The following IDUA variants were observed in gnomAD, a reference collection of about 807,000 sequenced individuals.
IDUA encodes iduronidase alpha-L-.
IDUA carries 65 observed loss-of-function variants against 68.9 expected under a neutral mutation model. The observed-to-expected ratio is 0.94, with a 90% CI of 0.77 to 1.16. The LOEUF (loss-of-function observed/expected upper bound fraction) is 1.16. Ranked by LOEUF, IDUA falls within the 50% of genes most tolerant of loss-of-function variation. The pLI is 0.00. For synonymous variants in IDUA, 529 were observed against 433.6 expected (o/e 1.22, Z -2.73); for missense variants, 1,046 against 938.0 (o/e 1.12, Z -1.50).
At chr4:998,782 G>A (rs1333157327) in intron 2 of IDUA, among the ~76,000 whole-genome samples, 21 of 77,172 alleles carry the variant, frequency 2.7e-4, no homozygotes, top group African/African-American at 8.5e-4. Flanking sequence ...ACGACCCCCC[G>A]ACCCCCCACC....
At chr4:996,916 CAG>C (rs1714772407) in intron 2 of IDUA, among the ~76,000 whole-genome samples, 1 of 152,216 alleles carries the variant, frequency 6.6e-6, no homozygotes, top group Admixed American at 6.5e-5. Flanking sequence ...CCACGCAGGA[CAG>C]GGGGCGTGGG....
chr4:1,003,648 C>T (rs1453630093), intron 12 of IDUA, 23 bp downstream of exon 12: 2 of 1,611,670 alleles, frequency 1.2e-6, no homozygotes, highest in Non-Finnish European at 1.7e-6. Flanking sequence ...GGCCGCCCCT[C>T]CCTCTGCCTG....
chr4:987,027 C>G (rs920124363), upstream of IDUA: 1 of 1,500,336 alleles, frequency 6.7e-7, no homozygotes, highest in Non-Finnish European at 8.9e-7. Context: ...AGACTCCGAC[C>G]CGGAGGCGGA....
Position 1,003,532 on chromosome 4 carries a change from GCCCTTCCCTCC to G in IDUA, c.1651-13_1651-3del, listed in dbSNP as rs1715253413. The stretch of plus-strand genomic sequence containing the variant: ...ACTCCCCTTCCCCGACGCCATCACA[GCCCTTCCCTCC>G]CCCAGGTCACGCGGCTCCGCGCCCT... On this transcript the variant is annotated splice_region_variant and splice_polypyrimidine_tract_variant and intron_variant, in intron 11 of 13. Coordinates refer to ENST00000514224, the MANE Select transcript of IDUA (RefSeq NM_000203.5). 1.2e-6 allele frequency: 2 copies of G among 1,609,886 alleles called. No homozygotes were observed. Among genetic ancestry groups the G allele is most frequent in the Admixed American group, 3.3e-5 (2 of 59,922 alleles).
At chr4:1,000,118 G>C (rs1000720388) in intron 2 of IDUA, 1 of 190,630 alleles carries the variant, frequency 5.2e-6, no homozygotes, top group Admixed American at 5.4e-5. Context: ...CTGTCCCCTC[G>C]GAATGCAGGC....
intron 2 of IDUA, chr4:991,802 A>G (rs751831861): frequency 9.1e-6 from 14 of 1,532,056 alleles, no homozygotes; most frequent in Non-Finnish European, 1.2e-5. Flanking sequence ...CCCCGGCAGC[A>G]ACGGGCCCCT....
rs1299884849 is a variant in IDUA at position 1,003,332 on chromosome 4, C to G, written c.1525-13C>G. 1 of 1,449,608 alleles carries G rather than the reference C, an allele frequency of 6.9e-7. No homozygotes were observed. The highest frequency in any genetic ancestry group is 1.5e-5 in the African/African-American group (1 of 67,010). The allele number at this position is 1,449,608 out of a possible 1,614,324, so 89.8% of individuals were successfully genotyped here. A position where few individuals can be genotyped will look rare whatever the true frequency, so the allele number is the denominator to read the frequency against. On this transcript the variant is annotated splice_polypyrimidine_tract_variant and intron_variant, in intron 10 of 13. Coordinates refer to ENST00000514224, the MANE Select transcript of IDUA (RefSeq NM_000203.5). ...TCCCCTGGAGAACCCTGAGGACCGG[C>G]CACTGCGCCCAGGACCCGGTGGCCG...
At chr4:1,002,608 C>G (rs922809603) in intron 8 of IDUA, 123 bp downstream of exon 8, 1 of 1,171,216 alleles carries the variant, frequency 8.5e-7, no homozygotes, top group East Asian at 3.0e-5. Flanking sequence ...TCGGCCTCCG[C>G]GTGGCGGGGC....
intron 2 of IDUA, among the ~76,000 whole-genome samples, chr4:999,071 G>T (rs916885261): frequency 6.6e-6 from 1 of 152,108 alleles, no homozygotes; most frequent in African/African-American, 2.4e-5. Context: ...CGGGCGTGGT[G>T]GCGGGCGCCT....
In IDUA at chr4:1,003,098, C is replaced by T. The variant is rs1375839111; in HGVS notation, c.1465C>T (p.Arg489Cys). 1 of 1,517,698 alleles carries T rather than the reference C, an allele frequency of 6.6e-7. No individual in the cohort carries two copies. The highest frequency in any genetic ancestry group is 8.8e-7 in the Non-Finnish European group (1 of 1,141,072). 94.0% of individuals were successfully genotyped at this position (1,517,698 alleles called of 1,614,324 possible). ...CTGCAGCCCCGACGGCGAGTGGCGG[C>T]GCCTGGGCCGGCCCGTCTTCCCCAC... ...GLCSPDGEWR[R>C]LGRPVFPTAE... The change falls in exon 10 of 14, where the codon CGC (arginine) becomes TGC (cysteine). Residue 489 changes from arginine to cysteine, a missense_variant. Physicochemically the swap from Arg to Cys is radical, Grantham distance 180. Transcript: ENST00000514224.
intron 2 of IDUA, chr4:991,760 G>A (rs1025397499): frequency 1.2e-5 from 18 of 1,529,398 alleles, no homozygotes; most frequent in Middle Eastern, 3.4e-4. Flanking sequence ...ATGGTCACAG[G>A]AGCCCCCGGA....
intron 2 of IDUA, chr4:990,471 A>C (rs1017858062): frequency 8.1e-6 from 9 of 1,108,076 alleles, no homozygotes; most frequent in Non-Finnish European, 8.8e-6. Flanking sequence ...GGACCTGACA[A>C]TTCTGTGTTG....
intron 2 of IDUA, chr4:988,175 A>G (rs981803062): frequency 3.4e-5 from 47 of 1,384,898 alleles, no homozygotes; most frequent in Non-Finnish European, 4.3e-5. Context: ...CTGCAGGCTC[A>G]GGGTTGGCTG....
intron 8 of IDUA, 21 bp from the exon 9 acceptor site, chr4:1,002,711 C>CGG: frequency 7.1e-7 from 1 of 1,403,250 alleles, no homozygotes; most frequent in Non-Finnish European, 9.5e-7. Flanking sequence ...CACGCGGCGA[C>CGG]GGCCCCCCCC....
intron 2 of IDUA, among the ~76,000 whole-genome samples, chr4:997,592 G>T (rs1439485611): frequency 6.6e-6 from 1 of 152,122 alleles, no homozygotes; most frequent in Middle Eastern, 3.4e-3. Context: ...CCCGCGCGGG[G>T]TCTACAAGGG....
At position 1,004,220 on chromosome 4, in the gene IDUA, G is replaced by C. The variant is rs1715304546; in HGVS notation, c.1829-40G>C. 1 of 1,610,122 alleles carries C rather than the reference G, an allele frequency of 6.2e-7. No homozygotes were observed. The highest frequency in any genetic ancestry group is 8.5e-7 in the Non-Finnish European group (1 of 1,179,952). On this transcript the variant is annotated intron_variant, in intron 13 of 13. Transcript: ENST00000514224. This position sits in a 1 kb window ranked among gnomAD's most constrained non-coding sequence, Gnocchi z 5.0. ...CTGGGGTCAGGGGGCTTTCGGGTGG[G>C]GGCAGGTTCCGGTTGGCACACATGT... is the stretch of plus-strand genomic sequence containing the variant.
intron 2 of IDUA, chr4:991,398 G>A: frequency 1.9e-6 from 3 of 1,612,868 alleles, no homozygotes; most frequent in Non-Finnish European, 2.5e-6. Context: ...AGGACGTATA[G>A]AGGCTGTAGA....
At position 1,004,400 on chromosome 4, in the gene IDUA, G is replaced by A; in HGVS notation, c.*7G>A. The A allele has an allele frequency of 1.2e-6, 2 of 1,609,808 alleles. No homozygotes were observed. The highest frequency in any genetic ancestry group is 1.7e-6 in the Non-Finnish European group (2 of 1,179,944). ...ATCCCCGGGCAATCCATGAGCCTGT[G>A]CTGAGCCCCAGTGGGTTGCACCTCC... On this transcript the variant is annotated 3_prime_UTR_variant, in exon 14 of 14. Coordinates refer to ENST00000514224, the MANE Select transcript of IDUA (RefSeq NM_000203.5). This position sits in a 1 kb window ranked among gnomAD's most constrained non-coding sequence, Gnocchi z 5.0.
At chr4:989,957 T>C (rs1714125309) in intron 2 of IDUA, 1 of 1,555,902 alleles carries the variant, frequency 6.4e-7, no homozygotes, top group South Asian at 1.2e-5. Flanking sequence ...TGAGGGGGCA[T>C]GAAACCCGTG....
Sources: gnomAD v4.1 joint callset for allele counts (sites outside exome capture counted in the v4.1 genomes callset) on GRCh38, gnomAD v4.1.1 for gene constraint, Gnocchi (gnomAD v3.1) non-coding constraint, MANE v1.5 for transcripts, NCBI Gene and HGNC (gene_info 2026-07-23, HGNC 2026-07-21) for gene names.